The following PTPN2 variants were observed in gnomAD, a reference collection of about 807,000 sequenced individuals.
PTPN2 encodes tyrosine-protein phosphatase non-receptor type 2.
PTPN2 carries 19 observed loss-of-function variants against 57.3 expected under a neutral mutation model. That is an observed-to-expected ratio of 0.33 (90% CI 0.23 to 0.49). The LOEUF (loss-of-function observed/expected upper bound fraction) is 0.49. Among genes scored for constraint, PTPN2 ranks in the 20% least tolerant of loss-of-function variants. PTPN2 has a pLI of 0.99. For synonymous variants in PTPN2, 153 were observed against 164.9 expected (o/e 0.93, Z 0.55); for missense variants, 358 against 501.1 (o/e 0.71, Z 2.73).
At chr18:12,877,497 T>C (rs2044528481) in intron 1 of PTPN2, among the ~76,000 whole-genome samples, 2 of 152,190 alleles carry the variant, frequency 1.3e-5, no homozygotes, top group South Asian at 2.1e-4. Flanking sequence ...TGTGCAACCA[T>C]GTAAAAGCAC....
intron 1 of PTPN2, among the ~76,000 whole-genome samples, chr18:12,883,023 T>TA (rs972777088): frequency 4.6e-5 from 7 of 152,168 alleles, no homozygotes; most frequent in Non-Finnish European, 8.8e-5. Context: ...CTAGTTGACA[T>TA]AAAAAAAGCG....
chr18:12,785,826 G>A (rs1000400453), exon 10 of PTPN2: 3 of 1,610,478 alleles, frequency 1.9e-6, no homozygotes, highest in Non-Finnish European at 2.5e-6. Flanking sequence ...ATGAATATTA[G>A]GTGTCTGTCA....
chr18:12,832,811 G>A (rs970296455), intron 3 of PTPN2, among the ~76,000 whole-genome samples: 2 of 152,136 alleles, frequency 1.3e-5, no homozygotes, highest in African/African-American at 4.8e-5. Flanking sequence ...GAACACAGCT[G>A]GAGTCTTGCT....
Position 12,834,833 on chromosome 18 carries a change from T to G in PTPN2, c.261+1958A>C, listed in dbSNP as rs905445247. On this transcript the variant is annotated intron_variant, in intron 3 of 8. Coordinates refer to ENST00000309660, the MANE Select transcript of PTPN2 (RefSeq NM_002828.4). ...AAGAACAGTACAGAGGGAGAAAGGG[T>G]TGTGATAAGGGATCTAGGGTGGTAA... Among the ~76,000 whole-genome samples the G allele has an allele frequency of 5.9e-5, 9 of 151,908 alleles. No individual in the cohort carries two copies. In the East Asian group the frequency reaches 1.5e-3, roughly 26 times the overall value.
rs2044011823 is a variant in PTPN2 at position 12,866,863 on chromosome 18, G to A, written c.70-7609C>T. Among the ~76,000 whole-genome samples the A allele has an allele frequency of 1.3e-5, 2 of 151,970 alleles. 1 individual carries two copies. Among genetic ancestry groups the A allele is most frequent in the South Asian group, 4.2e-4 (2 of 4,816 alleles). On this transcript the variant is annotated intron_variant, in intron 1 of 8. Transcript: ENST00000309660. The stretch of plus-strand genomic sequence containing the variant: ...ACTAAAAAATACAAAAAATTAGCTG[G>A]CCATGGTGGTGGGCACCTGTAGTCC...
intron 2 of PTPN2, among the ~76,000 whole-genome samples, chr18:12,858,095 C>T (rs1405424512): frequency 1.3e-5 from 2 of 152,146 alleles, no homozygotes; most frequent in Admixed American, 1.3e-4. Flanking sequence ...TAACCAATGA[C>T]TACAATGTAT....
chr18:12,827,352 A>AT (rs1409722446), intron 4 of PTPN2, among the ~76,000 whole-genome samples: 24 of 141,870 alleles, frequency 1.7e-4, no homozygotes, highest in South Asian at 2.6e-4. Context: ...CAAAAAAAAA[A>AT]AAAAATAATA....
At chr18:12,801,855 G>T in intron 8 of PTPN2, 115 bp downstream of exon 8, 1 of 1,020,854 alleles carries the variant, frequency 9.8e-7, no homozygotes, top group Non-Finnish European at 1.4e-6. Flanking sequence ...AGGCGTGATT[G>T]TATTTTCCTA....
chr18:12,814,148 T>C, intron 7 of PTPN2, 55 bp downstream of exon 7: 2 of 1,302,426 alleles, frequency 1.5e-6, no homozygotes, highest in South Asian at 2.6e-5. Context: ...TGCAGTTATT[T>C]GATGCTATGT....
chr18:12,860,935 G>C (rs515151), intron 1 of PTPN2, among the ~76,000 whole-genome samples: 118,757 of 152,134 alleles, frequency 0.78, 47,090 homozygotes, highest in Middle Eastern at 0.87. Context: ...ATTTTAATAG[G>C]AAAAATTAAA....
At chr18:12,803,861 A>T (rs1367585355) in intron 7 of PTPN2, among the ~76,000 whole-genome samples, 1 of 152,066 alleles carries the variant, frequency 6.6e-6, no homozygotes, top group Non-Finnish European at 1.5e-5. Flanking sequence ...TTTAAACTGC[A>T]CTCTAGGCCA....
chr18:12,806,290 A>G (rs2041647350), intron 7 of PTPN2, among the ~76,000 whole-genome samples: 1 of 152,180 alleles, frequency 6.6e-6, no homozygotes. Flanking sequence ...ATTATAAAAC[A>G]TTAATGGAAA....
chr18:12,879,431 T>A (rs1196613273), intron 1 of PTPN2, among the ~76,000 whole-genome samples: 1 of 152,234 alleles, frequency 6.6e-6, no homozygotes, highest in Non-Finnish European at 1.5e-5. Flanking sequence ...GGTTCATCCC[T>A]GCAATCACAT....
rs945467973 is a variant in PTPN2, at chr18:12,884,132, T to C, written c.10A>G (p.Thr4Ala). The C allele has an allele frequency of 3.8e-6, 6 of 1,585,028 alleles. No homozygotes were observed. Among genetic ancestry groups the C allele is most frequent in the Non-Finnish European group, 5.1e-6 (6 of 1,167,256 alleles). The change falls in exon 1 of 9, where the codon ACC (threonine) becomes GCC (alanine). Residue 4 changes from threonine to alanine, a missense_variant. By Grantham distance (58) the Thr-to-Ala change is moderately conservative. Coordinates refer to ENST00000309660, the MANE Select transcript of PTPN2 (RefSeq NM_002828.4). ...AACTCTTCGAACTCCCGCTCGATGG[T>C]GGTGGGCATGGCTGCGGGAGCGAGC... MPT[T>A]IEREFEELDT...
At chr18:12,864,763 A>G (rs12955302) in intron 1 of PTPN2, among the ~76,000 whole-genome samples, 13,112 of 152,254 alleles carry the variant, frequency 0.086, 742 homozygotes, top group East Asian at 0.16. Context: ...TTTTCACATA[A>G]TAACATTTAA....
In PTPN2 at chr18:12,859,227, G is replaced by A; in HGVS notation, c.97C>T (p.Pro33Ser). 1 of 1,612,706 alleles carries A rather than the reference G, an allele frequency of 6.2e-7. No individual in the cohort carries two copies. Among genetic ancestry groups the A allele is most frequent in the Non-Finnish European group, 8.5e-7 (1 of 1,178,958 alleles). The change falls in exon 2 of 9, where the codon CCT (proline) becomes TCT (serine). Residue 33 changes from proline (P) to serine (S), a missense_variant. Pro to Ser is a moderately conservative substitution (Grantham distance 74). Coordinates refer to ENST00000309660, the MANE Select transcript of PTPN2 (RefSeq NM_002828.4). ...LEIRNESHDY[P>S]HRVAKFPENR... ...TCTGGAAACTTGGCCACTCTATGAG[G>A]ATAGTCATGGGACTCATTTCGAATT...
intron 2 of PTPN2, among the ~76,000 whole-genome samples, chr18:12,849,385 C>A (rs1384280821): frequency 6.6e-6 from 1 of 152,110 alleles, no homozygotes; most frequent in African/African-American, 2.4e-5. Flanking sequence ...ATGGTGAAAC[C>A]CCATCTCTAC....
chr18:12,807,586 A>AAAAAAAAAAAAAAAAAAATATATATATAT, intron 7 of PTPN2, among the ~76,000 whole-genome samples: 1 of 35,198 alleles, frequency 2.8e-5, no homozygotes, highest in African/African-American at 7.0e-5. Flanking sequence ...AAAAAAAAAA[A>AAAAAAAAAAAAAAAAAAATATATATATAT]ATATATATAT....
At chr18:12,787,986 C>A (rs2040884636), downstream of PTPN2, 1 of 154,726 alleles carries the variant, frequency 6.5e-6, no homozygotes, top group Admixed American at 6.5e-5. Flanking sequence ...CAGATATCCA[C>A]ACTAATATTC....
Sources: gnomAD v4.1 joint callset for allele counts (sites outside exome capture counted in the v4.1 genomes callset) on GRCh38, gnomAD v4.1.1 for gene constraint, MANE v1.5 for transcripts, NCBI Gene and HGNC (gene_info 2026-07-23, HGNC 2026-07-21) for gene names.